Variants in PLPPR1 observed in about 807,000 individuals in gnomAD.
PLPPR1 encodes phospholipid phosphatase related 1.
Under a neutral mutation model 33.1 loss-of-function variants are expected in PLPPR1, and 10 were observed. The ratio of observed to expected loss-of-function variants is 0.30; its 90% CI spans 0.19 to 0.51. The LOEUF (loss-of-function observed/expected upper bound fraction) is 0.51. PLPPR1 is among the 20% of genes least tolerant of loss of function. PLPPR1 has a pLI of 0.97. For synonymous variants in PLPPR1, 151 were observed against 151.0 expected (o/e 1.00, Z 0.00); for missense variants, 304 against 408.1 (o/e 0.74, Z 2.20).
At chr9:101,066,838 C>A (rs1830424170) in intron 1 of PLPPR1, among the ~76,000 whole-genome samples, 1 of 151,982 alleles carries the variant, frequency 6.6e-6, no homozygotes, top group African/African-American at 2.4e-5. Context: ...ATATTAGAAA[C>A]CAAGAACTAG....
intron 4 of PLPPR1, among the ~76,000 whole-genome samples, chr9:101,290,792 C>G (rs1220005981): frequency 1.3e-5 from 2 of 152,156 alleles, no homozygotes; most frequent in African/African-American, 4.8e-5. Context: ...CCGATCCTTT[C>G]CTGATCCGGG....
At chr9:101,259,402 A>G (rs1827856932) in intron 2 of PLPPR1, among the ~76,000 whole-genome samples, 1 of 152,194 alleles carries the variant, frequency 6.6e-6, no homozygotes, top group African/African-American at 2.4e-5. Flanking sequence ...ATTTACCTAG[A>G]ATAGCTGTGT....
chr9:101,189,376 C>G (rs944110508), intron 2 of PLPPR1, among the ~76,000 whole-genome samples: 5 of 152,030 alleles, frequency 3.3e-5, no homozygotes, highest in African/African-American at 1.2e-4. Context: ...ATGAAGCCTC[C>G]AGGTAGCAGG....
intron 1 of PLPPR1, among the ~76,000 whole-genome samples, chr9:101,173,265 A>G (rs1408338596): frequency 2.0e-5 from 3 of 152,150 alleles, no homozygotes; most frequent in Non-Finnish European, 4.4e-5. Flanking sequence ...AATCATTTTT[A>G]TATTAATGAA....
intron 2 of PLPPR1, chr9:101,187,418 A>G (rs892344129): frequency 4.6e-5 from 7 of 151,980 alleles, no homozygotes; most frequent in Non-Finnish European, 1.0e-4. Flanking sequence ...GCTTACCCTG[A>G]CACAAACATA....
At chr9:101,046,050 G>T (rs540949283) in intron 1 of PLPPR1, among the ~76,000 whole-genome samples, 1 of 152,164 alleles carries the variant, frequency 6.6e-6, no homozygotes, top group African/African-American at 2.4e-5. Flanking sequence ...ACCAACACTG[G>T]TTTACTCCAC....
Position 101,173,560 on chromosome 9 carries a change from C to A in PLPPR1, c.-45-11890C>A, listed in dbSNP as rs574848283. Among the ~76,000 whole-genome samples the A allele has an allele frequency of 9.9e-5, 15 of 152,114 alleles. 1 individual carries two copies. The highest frequency in any genetic ancestry group is 3.4e-4 in the African/African-American group (14 of 41,504). On this transcript the variant is annotated intron_variant, in intron 1 of 7. Coordinates refer to ENST00000374874, the MANE Select transcript of PLPPR1 (RefSeq NM_207299.2). ...TTTGTTTCCCCCAGTACAACAAGGC[C>A]CTGAGGTAATTTTCAGATTTCCCTC...
chr9:101,141,764 C>T (rs188394147), intron 1 of PLPPR1, among the ~76,000 whole-genome samples: 66 of 152,196 alleles, frequency 4.3e-4, no homozygotes, highest in Admixed American at 1.3e-3. Flanking sequence ...TGGAAAACTG[C>T]ATGAAAACAC....
chr9:101,295,493 A>G (rs949352304), intron 4 of PLPPR1, among the ~76,000 whole-genome samples: 9 of 152,208 alleles, frequency 5.9e-5, no homozygotes, highest in African/African-American at 1.2e-4. Context: ...CACATCACCA[A>G]TTCAATCCTA....
At chr9:101,166,943 C>T (rs1005421263) in intron 1 of PLPPR1, among the ~76,000 whole-genome samples, 6 of 150,920 alleles carry the variant, frequency 4.0e-5, no homozygotes, top group African/African-American at 1.5e-4. Context: ...TTTCCTGTCT[C>T]CTGTGAGATT....
chr9:101,257,123 A>C (rs751542222), intron 2 of PLPPR1, among the ~76,000 whole-genome samples: 1 of 152,122 alleles, frequency 6.6e-6, no homozygotes, highest in African/African-American at 2.4e-5. Flanking sequence ...CCACAATACC[A>C]GTAGGCCCTG....
At chr9:101,176,505 A>G (rs1184397540) in intron 1 of PLPPR1, among the ~76,000 whole-genome samples, 2 of 152,174 alleles carry the variant, frequency 1.3e-5, no homozygotes. Context: ...ACAAATAACA[A>G]TGCCACCTTC....
intron 1 of PLPPR1, among the ~76,000 whole-genome samples, chr9:101,093,319 G>A (rs1830772636): frequency 6.6e-6 from 1 of 152,108 alleles, no homozygotes. Context: ...CTGCCACCAA[G>A]CCCATGTAGA....
At chr9:101,155,421 A>G (rs1831667185) in intron 1 of PLPPR1, among the ~76,000 whole-genome samples, 1 of 152,164 alleles carries the variant, frequency 6.6e-6, no homozygotes, top group African/African-American at 2.4e-5. Flanking sequence ...AGGAAGGGCA[A>G]GCAAGCATAT....
At chr9:101,315,897 G>A (rs1430269905) in intron 6 of PLPPR1, among the ~76,000 whole-genome samples, 1 of 152,224 alleles carries the variant, frequency 6.6e-6, no homozygotes, top group Non-Finnish European at 1.5e-5. Flanking sequence ...CCATGAGGCG[G>A]AATGTGGGAG....
intron 6 of PLPPR1, among the ~76,000 whole-genome samples, chr9:101,316,480 G>A (rs1324589523): frequency 6.6e-6 from 1 of 151,644 alleles, no homozygotes; most frequent in Non-Finnish European, 1.5e-5. Context: ...AGAGTGAGAT[G>A]GAGATGAGCC....
At chr9:101,056,987 C>G (rs1024585074) in intron 1 of PLPPR1, among the ~76,000 whole-genome samples, 1 of 152,130 alleles carries the variant, frequency 6.6e-6, no homozygotes, top group Non-Finnish European at 1.5e-5. Context: ...ACCCCCCAGC[C>G]CTCTGCCCTG....
chr9:101,212,410 G>A lies in PLPPR1; in HGVS notation c.63+26853G>A, dbSNP rs554187283. Among the ~76,000 whole-genome samples the A allele has an allele frequency of 8.5e-5, 13 of 152,066 alleles. No individual in the cohort carries two copies. The South Asian group carries it at 1.2e-3, about 15-fold the overall frequency. ...ATCTTTTGCTCTTCACTCACATTCC[G>A]TTGCTTTTGAGATGCCTTCTCTTCC... On this transcript the variant is annotated intron_variant, in intron 2 of 7. Transcript: ENST00000374874.
At chr9:101,038,572 C>A (rs1304170727) in intron 1 of PLPPR1, among the ~76,000 whole-genome samples, 2 of 152,048 alleles carry the variant, frequency 1.3e-5, no homozygotes, top group Non-Finnish European at 2.9e-5. Context: ...GTGATTTGTC[C>A]AGGGTTCCAC....
Sources: gnomAD v4.1 joint callset for allele counts (sites outside exome capture counted in the v4.1 genomes callset) on GRCh38, gnomAD v4.1.1 for gene constraint, MANE v1.5 for transcripts, NCBI Gene and HGNC (gene_info 2026-07-23, HGNC 2026-07-21) for gene names.